The following ARL15 variants were observed in gnomAD, a reference collection of about 807,000 sequenced individuals.
ARL15 encodes ADP-ribosylation factor-like protein 15.
In ARL15, 19 loss-of-function variants were observed where a neutral mutation model predicts 25.2. The ratio of observed to expected loss-of-function variants is 0.75; its 90% CI spans 0.53 to 1.10. The LOEUF (loss-of-function observed/expected upper bound fraction) is 1.10. ARL15 is among the 50% of genes least tolerant of loss of function. ARL15 has a pLI of 0.00. For synonymous variants in ARL15, 94 were observed against 86.8 expected (o/e 1.08, Z -0.46); for missense variants, 220 against 246.0 (o/e 0.89, Z 0.71).
At chr5:53,887,350 C>A in intron 4 of ARL15, 1 of 700,884 alleles carries the variant, frequency 1.4e-6, no homozygotes, top group South Asian at 1.5e-5. Flanking sequence ...GTAAAATCTT[C>A]TACCTTTTTT....
intron 4 of ARL15, among the ~76,000 whole-genome samples, chr5:54,011,635 T>A (rs191180758): frequency 6.7e-4 from 102 of 152,148 alleles, no homozygotes; most frequent in Non-Finnish European, 1.4e-3. Context: ...GCTTGCTAAG[T>A]CAGAAAATTC....
At chr5:54,216,371 T>C (rs1756206151) in intron 1 of ARL15, among the ~76,000 whole-genome samples, 1 of 152,200 alleles carries the variant, frequency 6.6e-6, no homozygotes, top group Non-Finnish European at 1.5e-5. Context: ...TTCCACTGTG[T>C]ACTTCTAAAG....
intron 1 of ARL15, among the ~76,000 whole-genome samples, chr5:54,242,676 T>C (rs1387704395): frequency 1.3e-5 from 2 of 152,204 alleles, no homozygotes; most frequent in Non-Finnish European, 2.9e-5. Flanking sequence ...CTTCTGAAGA[T>C]GGAGACAGCA....
At chr5:54,071,735 G>C (rs557125095) in intron 4 of ARL15, among the ~76,000 whole-genome samples, 40 of 152,102 alleles carry the variant, frequency 2.6e-4, no homozygotes, top group African/African-American at 8.7e-4. Flanking sequence ...ACTTTGGGAG[G>C]CTGAGGTGGG....
chr5:54,206,936 T>C (rs1755887468), intron 1 of ARL15, among the ~76,000 whole-genome samples: 1 of 152,224 alleles, frequency 6.6e-6, no homozygotes, highest in Non-Finnish European at 1.5e-5. Context: ...TTCAAAATTC[T>C]CAAGTGACCA....
At chr5:54,182,629 C>T (rs1302216023) in intron 1 of ARL15, among the ~76,000 whole-genome samples, 9 of 148,674 alleles carry the variant, frequency 6.1e-5, no homozygotes, top group Non-Finnish European at 9.0e-5. Context: ...CTTGGCGATG[C>T]GGGCTCTTTT....
intron 4 of ARL15, among the ~76,000 whole-genome samples, chr5:54,006,617 T>C (rs1313207405): frequency 6.6e-6 from 1 of 152,186 alleles, no homozygotes; most frequent in East Asian, 1.9e-4. Context: ...AAAAGTCTTG[T>C]TCAGACAAAA....
chr5:53,933,525 GTCCC>G (rs1746260078), intron 4 of ARL15, among the ~76,000 whole-genome samples: 1 of 150,762 alleles, frequency 6.6e-6, no homozygotes, highest in East Asian at 2.0e-4. Flanking sequence ...GGCACCTGTA[GTCCC>G]AGCTACTCAG....
intron 2 of ARL15, among the ~76,000 whole-genome samples, chr5:54,157,260 T>C (rs1754263927): frequency 1.3e-5 from 2 of 152,212 alleles, no homozygotes; most frequent in African/African-American, 4.8e-5. Context: ...TTGCTGCACC[T>C]ATGTGCAAAA....
chr5:54,181,633 C>T (rs377741378), intron 1 of ARL15, among the ~76,000 whole-genome samples: 20 of 152,260 alleles, frequency 1.3e-4, no homozygotes, highest in African/African-American at 4.3e-4. Flanking sequence ...GACATGAAAA[C>T]ATTTAAAAGG....
At chr5:54,065,492 C>G (rs758554911) in intron 4 of ARL15, among the ~76,000 whole-genome samples, 1 of 152,064 alleles carries the variant, frequency 6.6e-6, no homozygotes, top group Admixed American at 6.6e-5. Context: ...ATAGCGAAAC[C>G]CTGTCTCTAC....
chr5:53,946,121 C>T lies in ARL15; in HGVS notation c.463-59408G>A, dbSNP rs540682371. Among the ~76,000 whole-genome samples, 116 of 152,264 alleles carry T rather than the reference C, an allele frequency of 7.6e-4. 2 individuals are homozygous for T. The highest frequency in any genetic ancestry group is 2.6e-3 in the African/African-American group (109 of 41,544). On this transcript the variant is annotated intron_variant, in intron 4 of 4. Transcript: ENST00000504924. The stretch of plus-strand genomic sequence containing the variant: ...GAGCAGGCCTGTAAAGATTAAAAGT[C>T]TTAAACCTGAAGTGCCTAGCACAGA...
chr5:54,061,900 C>T (rs1751076057), intron 4 of ARL15, among the ~76,000 whole-genome samples: 1 of 152,202 alleles, frequency 6.6e-6, no homozygotes, highest in South Asian at 2.1e-4. Context: ...GCCACAGACA[C>T]TCAATGCCAG....
intron 2 of ARL15, among the ~76,000 whole-genome samples, chr5:54,158,491 T>C (rs913182711): frequency 3.9e-5 from 6 of 152,180 alleles, no homozygotes; most frequent in Non-Finnish European, 1.5e-5. Flanking sequence ...TGGCATACAA[T>C]AGGATCTCAA....
At chr5:54,171,558 T>C (rs1754718249) in intron 2 of ARL15, among the ~76,000 whole-genome samples, 1 of 152,182 alleles carries the variant, frequency 6.6e-6, no homozygotes, top group Non-Finnish European at 1.5e-5. Context: ...CAAGCTTCAT[T>C]TATTCAGTGC....
At chr5:54,199,834 C>A (rs1755659500) in intron 1 of ARL15, among the ~76,000 whole-genome samples, 1 of 53,118 alleles carries the variant, frequency 1.9e-5, no homozygotes, top group Non-Finnish European at 4.6e-5. Flanking sequence ...GCTATAAAGA[C>A]ACATGCACAC....
intron 4 of ARL15, among the ~76,000 whole-genome samples, chr5:53,999,071 G>A (rs547735810): frequency 7.2e-5 from 11 of 152,318 alleles, no homozygotes; most frequent in African/African-American, 2.6e-4. Flanking sequence ...ATGCTGTCAA[G>A]AGTGGGGCCA....
At chr5:54,137,249 G>A (rs1358594462) in intron 3 of ARL15, among the ~76,000 whole-genome samples, 1 of 152,088 alleles carries the variant, frequency 6.6e-6, no homozygotes, top group Non-Finnish European at 1.5e-5. Flanking sequence ...GCCAAATGAT[G>A]CACATGGCCG....
In ARL15 at chr5:54,113,446, A is replaced by G. The variant is rs529965233; in HGVS notation, c.254-36T>C. ...CAAAACAAATTTTCGTTTTAAAAAG[A>G]GCTTTCAGCAACTGAAAAATGTTCC... On this transcript the variant is annotated intron_variant, in intron 3 of 4. Transcript: ENST00000504924. 26 of 1,590,704 alleles carry G rather than the reference A, an allele frequency of 1.6e-5. No individual in the cohort carries two copies. The South Asian group carries it at 2.3e-4, about 14-fold the overall frequency.
Sources: gnomAD v4.1 joint callset for allele counts (sites outside exome capture counted in the v4.1 genomes callset) on GRCh38, gnomAD v4.1.1 for gene constraint, MANE v1.5 for transcripts, NCBI Gene and HGNC (gene_info 2026-07-23, HGNC 2026-07-21) for gene names.